The following NMNAT3 variants were observed in gnomAD, a reference collection of about 807,000 sequenced individuals.
NMNAT3 encodes nicotinamide nucleotide adenylyltransferase 3.
A neutral mutation model predicts 24.8 loss-of-function variants in NMNAT3; 21 were observed. The ratio of observed to expected loss-of-function variants is 0.85; its 90% CI spans 0.60 to 1.22. The LOEUF is 1.22. Among genes scored for constraint, NMNAT3 ranks in the 50% most tolerant of loss-of-function variants. NMNAT3 has a pLI of 0.00. For missense variants in NMNAT3, 387 were observed against 436.6 expected (o/e 0.89, Z 1.01); for synonymous variants, 136 against 155.2 (o/e 0.88, Z 0.92).
chr3:139,656,659 G>A (rs2057254073), intron 1 of NMNAT3, among the ~76,000 whole-genome samples: 1 of 152,100 alleles, frequency 6.6e-6, no homozygotes, highest in Non-Finnish European at 1.5e-5. Flanking sequence ...GGATGTAGTG[G>A]TGCATGCTTG....
intron 6 of NMNAT3, among the ~76,000 whole-genome samples, chr3:139,573,127 A>G (rs1299278192): frequency 6.6e-6 from 1 of 152,238 alleles, no homozygotes; most frequent in Non-Finnish European, 1.5e-5. Flanking sequence ...TTAAGAGGAT[A>G]ATCCAAACCA....
chr3:139,654,114 A>G (rs1428572972), intron 1 of NMNAT3, among the ~76,000 whole-genome samples: 1 of 152,234 alleles, frequency 6.6e-6, no homozygotes, highest in Non-Finnish European at 1.5e-5. Context: ...CAGGATTCGC[A>G]CTTAGCTCCC....
At chr3:139,596,716 G>A (rs777233678) in intron 3 of NMNAT3, among the ~76,000 whole-genome samples, 13 of 151,462 alleles carry the variant, frequency 8.6e-5, no homozygotes, top group Non-Finnish European at 1.0e-4. Flanking sequence ...CATTTTCACC[G>A]GAAAGCCAAT....
chr3:139,603,070 G>A (rs2054785114), intron 3 of NMNAT3, among the ~76,000 whole-genome samples: 1 of 152,096 alleles, frequency 6.6e-6, no homozygotes, highest in Non-Finnish European at 1.5e-5. Context: ...CCTAATGATT[G>A]ATAGGCACCT....
intron 2 of NMNAT3, among the ~76,000 whole-genome samples, chr3:139,628,683 C>T (rs1323074450): frequency 6.6e-6 from 1 of 152,188 alleles, no homozygotes; most frequent in African/African-American, 2.4e-5. Context: ...GCTCTCTTGC[C>T]TCTGAGATGC....
intron 3 of NMNAT3, among the ~76,000 whole-genome samples, chr3:139,605,234 C>T (rs2054891344): frequency 6.6e-6 from 1 of 152,170 alleles, no homozygotes; most frequent in Non-Finnish European, 1.5e-5. Context: ...TTATTCATTC[C>T]TTAGACATCT....
Position 139,638,150 on chromosome 3 carries a change from ACTTCTC to A in NMNAT3, c.-140-94_-140-89del, listed in dbSNP as rs140623369. On this transcript the variant is annotated intron_variant, in intron 1 of 6. Transcript: ENST00000643695. ...CCCATTACTGCCTTCAAAATGTGGT[ACTTCTC>A]CTTTGCCCAGTTTGCTTTACCTCTT... 37 of 152,320 alleles carry A rather than the reference ACTTCTC, an allele frequency of 2.4e-4. No individual in the cohort carries two copies. In the East Asian group the frequency reaches 6.9e-3, roughly 29 times the overall value. 9.4% of individuals were successfully genotyped at this position (152,320 alleles called of 1,614,324 possible).
At chr3:139,585,469 T>A (rs1427488400) in intron 3 of NMNAT3, among the ~76,000 whole-genome samples, 2 of 152,198 alleles carry the variant, frequency 1.3e-5, no homozygotes, top group Non-Finnish European at 2.9e-5. Flanking sequence ...GTTATTTCTG[T>A]TGTCTGTTTT....
At chr3:139,622,598 G>C (rs2055830804) in intron 3 of NMNAT3, among the ~76,000 whole-genome samples, 1 of 150,934 alleles carries the variant, frequency 6.6e-6, no homozygotes, top group Admixed American at 6.6e-5. Context: ...AGCCAGGCAT[G>C]GTGATGCATG....
At chr3:139,653,015 T>A (rs187481271) in intron 1 of NMNAT3, among the ~76,000 whole-genome samples, 1 of 152,334 alleles carries the variant, frequency 6.6e-6, no homozygotes, top group East Asian at 1.9e-4. Flanking sequence ...TTACTCTCAT[T>A]TTATTGAAAT....
intron 3 of NMNAT3, among the ~76,000 whole-genome samples, chr3:139,597,006 A>T (rs952521927): frequency 4.1e-5 from 6 of 145,770 alleles, no homozygotes; most frequent in South Asian, 2.2e-4. Flanking sequence ...AGGAAATCCC[A>T]TACTTTGATT....
At chr3:139,573,386 TAGC>T (rs1256258651) in intron 6 of NMNAT3, among the ~76,000 whole-genome samples, 2 of 152,176 alleles carry the variant, frequency 1.3e-5, no homozygotes, top group Admixed American at 6.5e-5. Flanking sequence ...AATCCCAAAT[TAGC>T]AGAGCAATTT....
At chr3:139,659,871 C>T (rs919543632) in intron 1 of NMNAT3, among the ~76,000 whole-genome samples, 1 of 152,220 alleles carries the variant, frequency 6.6e-6, no homozygotes, top group Admixed American at 6.5e-5. Flanking sequence ...TTTTCAAAGA[C>T]CAGCAGTATC....
chr3:139,600,131 A>C lies in NMNAT3; in HGVS notation c.110-16923T>G, dbSNP rs535815034. Among the ~76,000 whole-genome samples the C allele has an allele frequency of 3.9e-5, 6 of 152,232 alleles. No individual in the cohort carries two copies. In the South Asian group the frequency reaches 1.2e-3, roughly 32 times the overall value. ...ACTCTTCCTGCACACTATAAAGCCC[A>C]CTTTGGTCTTCAGAATCTTTCAGTG... On this transcript the variant is annotated intron_variant, in intron 3 of 6. Coordinates refer to ENST00000643695, the MANE Select transcript of NMNAT3 (RefSeq NM_001320510.2).
At chr3:139,566,879 GT>G (rs1291342368) in intron 6 of NMNAT3, 2 of 152,132 alleles carry the variant, frequency 1.3e-5, no homozygotes, top group African/African-American at 4.8e-5. Context: ...CTTTAAAGTA[GT>G]TTTTTCCAAT....
In NMNAT3 at chr3:139,573,696, A is replaced by G. The variant is rs367933796; in HGVS notation, c.576-16T>C. 14 of 1,514,462 alleles carry G rather than the reference A, an allele frequency of 9.2e-6. No homozygotes were observed. The African/African-American group carries it at 9.7e-5, about 11-fold the overall frequency. The allele number at this position is 1,514,462 out of a possible 1,614,324, so 93.8% of individuals were successfully genotyped here. ...GTGATGATGCCTGTGTTGTAAACAT[A>G]TGGGCTCAGGGTATGTCTGTCCTCC... On this transcript the variant is annotated splice_polypyrimidine_tract_variant and intron_variant, in intron 5 of 6. Transcript: ENST00000643695.
At chr3:139,602,112 A>G (rs1355486386) in intron 3 of NMNAT3, among the ~76,000 whole-genome samples, 1 of 152,230 alleles carries the variant, frequency 6.6e-6, no homozygotes, top group Non-Finnish European at 1.5e-5. Context: ...CATGGAGTTA[A>G]ATGCTGTGGT....
chr3:139,661,777 C>A (rs2057423993), intron 1 of NMNAT3, among the ~76,000 whole-genome samples: 2 of 152,174 alleles, frequency 1.3e-5, no homozygotes, highest in African/African-American at 4.8e-5. Flanking sequence ...CTTTTCCCCT[C>A]TTAAGTATAT....
chr3:139,650,148 C>G (rs2057008870), intron 1 of NMNAT3, among the ~76,000 whole-genome samples: 1 of 152,332 alleles, frequency 6.6e-6, no homozygotes, highest in South Asian at 2.1e-4. Flanking sequence ...ACTGCAATTA[C>G]TGCTTTTTGC....
Sources: allele counts gnomAD v4.1 joint callset (sites outside exome capture counted in the v4.1 genomes callset), GRCh38; gene constraint gnomAD v4.1.1; transcripts MANE v1.5; gene names NCBI Gene and HGNC (gene_info 2026-07-23, HGNC 2026-07-21).